Variants in MCC observed in about 807,000 individuals in gnomAD.
The protein encoded by MCC is MCC regulator of Wnt signaling pathway, also known as colorectal mutant cancer protein.
A neutral mutation model predicts 116.2 loss-of-function variants in MCC; 90 were observed. The observed-to-expected ratio is 0.77, with a 90% CI of 0.65 to 0.92. The LOEUF (loss-of-function observed/expected upper bound fraction) is 0.92, where lower values mean the gene tolerates loss of function less well. MCC is among the 40% of genes least tolerant of loss of function. The pLI is 0.00. For synonymous variants in MCC, 578 were observed against 510.5 expected (o/e 1.13, Z -1.78); for missense variants, 1,516 against 1,312.2 (o/e 1.16, Z -2.40).
intron 1 of MCC, among the ~76,000 whole-genome samples, chr5:113,480,961 G>C (rs998454624): frequency 6.6e-6 from 1 of 151,946 alleles, no homozygotes; most frequent in Non-Finnish European, 1.5e-5. Context: ...TTTTTTTGTA[G>C]AGACAGGGTT....
chr5:113,375,689 G>A (rs1768964595), intron 2 of MCC, among the ~76,000 whole-genome samples: 1 of 152,104 alleles, frequency 6.6e-6, no homozygotes. Context: ...CTCCCTGTGT[G>A]GTCTTTCAAC....
At chr5:113,306,269 C>G (rs1441390372) in intron 3 of MCC, among the ~76,000 whole-genome samples, 1 of 152,080 alleles carries the variant, frequency 6.6e-6, no homozygotes, top group Non-Finnish European at 1.5e-5. Context: ...CGGGTATATA[C>G]CTAAGAATGG....
chr5:113,065,218 G>A (rs1294286731), intron 13 of MCC, among the ~76,000 whole-genome samples: 1 of 152,122 alleles, frequency 6.6e-6, no homozygotes, highest in Non-Finnish European at 1.5e-5. Context: ...TGTCACTGTA[G>A]GTTCATCACT....
intron 3 of MCC, among the ~76,000 whole-genome samples, chr5:113,241,807 C>T (rs1455271289): frequency 6.6e-6 from 1 of 152,212 alleles, no homozygotes; most frequent in Non-Finnish European, 1.5e-5. Context: ...GCCAACATCT[C>T]CAAAGTAGAC....
At chr5:113,397,372 A>T (rs1048498249) in intron 1 of MCC, among the ~76,000 whole-genome samples, 1 of 152,222 alleles carries the variant, frequency 6.6e-6, no homozygotes, top group African/African-American at 2.4e-5. Context: ...ATTCTGCTAG[A>T]AATGATGAAA....
intron 3 of MCC, among the ~76,000 whole-genome samples, chr5:113,297,660 C>T (rs563873916): frequency 1.4e-4 from 20 of 145,842 alleles, no homozygotes; most frequent in African/African-American, 3.6e-4. Context: ...GGCTGAGGCA[C>T]GAGAACCACT....
rs1436376555 is a variant in MCC at position 113,026,857 on chromosome 5, GTC to G, written c.*443_*444del. On this transcript the variant is annotated 3_prime_UTR_variant, in exon 19 of 19. Transcript: ENST00000408903. ...TTTTAAATGCTGGAGGCACACACAG[GTC>G]TGTTTTCCCATGAAGCAGGAGGAAA... is the stretch of plus-strand genomic sequence containing the variant. 1 of 157,344 alleles carries G rather than the reference GTC, an allele frequency of 6.4e-6. No homozygotes were observed. Among genetic ancestry groups the G allele is most frequent in the Non-Finnish European group, 1.4e-5 (1 of 71,642 alleles). The allele number at this position is 157,344 out of a possible 1,614,324, so 9.7% of individuals were successfully genotyped here. A position where few individuals can be genotyped will look rare whatever the true frequency, so the allele number is the denominator to read the frequency against.
At chr5:113,285,606 G>A (rs1166854552) in intron 3 of MCC, among the ~76,000 whole-genome samples, 3 of 152,008 alleles carry the variant, frequency 2.0e-5, no homozygotes, top group African/African-American at 7.2e-5. Flanking sequence ...CTTCCTTTCT[G>A]CCTGAAATGA....
chr5:113,196,176 G>A (rs923007491), intron 3 of MCC, among the ~76,000 whole-genome samples: 16 of 152,234 alleles, frequency 1.1e-4, no homozygotes, highest in Admixed American at 6.5e-4. Flanking sequence ...TAAGTAATGG[G>A]AAATATCTTC....
chr5:113,213,502 C>T (rs1763203576), intron 3 of MCC, among the ~76,000 whole-genome samples: 1 of 152,134 alleles, frequency 6.6e-6, no homozygotes, highest in African/African-American at 2.4e-5. Flanking sequence ...CAAGCAGTGT[C>T]CTAATAAAAA....
chr5:113,071,350 T>C (rs1051862768), intron 11 of MCC, 116 bp from the exon 12 acceptor site: 31 of 1,020,704 alleles, frequency 3.0e-5, no homozygotes, highest in Non-Finnish European at 4.5e-5. Context: ...CCTGTCAGAT[T>C]AGTAGCTGAC....
chr5:113,464,630 C>T (rs890107771), intron 1 of MCC, among the ~76,000 whole-genome samples: 1 of 152,126 alleles, frequency 6.6e-6, no homozygotes, highest in South Asian at 2.1e-4. Flanking sequence ...ATTTATCTCA[C>T]CTCCTGTCCC....
chr5:113,054,720 G>C (rs892023354), intron 14 of MCC, among the ~76,000 whole-genome samples: 3 of 152,130 alleles, frequency 2.0e-5, no homozygotes, highest in African/African-American at 4.8e-5. Context: ...ATAGGGACTC[G>C]GGCTGGCCCA....
At chr5:113,200,112 A>T (rs1762609614) in intron 3 of MCC, among the ~76,000 whole-genome samples, 1 of 152,172 alleles carries the variant, frequency 6.6e-6, no homozygotes, top group African/African-American at 2.4e-5. Flanking sequence ...TGGAATTTGG[A>T]AAGTGGAGGA....
intron 3 of MCC, among the ~76,000 whole-genome samples, chr5:113,191,709 C>A (rs1396319004): frequency 1.3e-5 from 2 of 152,174 alleles, no homozygotes; most frequent in African/African-American, 4.8e-5. Flanking sequence ...CAGGATGCAA[C>A]AGTTTCTTTT....
intron 3 of MCC, among the ~76,000 whole-genome samples, chr5:113,290,601 G>C (rs753376821): frequency 6.6e-6 from 1 of 152,168 alleles, no homozygotes; most frequent in Non-Finnish European, 1.5e-5. Context: ...CTTCCTTCCA[G>C]ATACCTGGGA....
intron 3 of MCC, among the ~76,000 whole-genome samples, chr5:113,329,381 TATACAC>T (rs1479652175): frequency 9.5e-6 from 1 of 104,762 alleles, no homozygotes; most frequent in Non-Finnish European, 1.9e-5. Context: ...AAACTATATA[TATACAC>T]ACACACACAC....
intron 3 of MCC, among the ~76,000 whole-genome samples, chr5:113,268,601 C>T (rs1765500156): frequency 6.6e-6 from 1 of 152,162 alleles, no homozygotes; most frequent in Non-Finnish European, 1.5e-5. Context: ...ATCCACTAGG[C>T]CTAGGATACT....
At chr5:113,361,484 T>C (rs1490155382) in intron 2 of MCC, among the ~76,000 whole-genome samples, 2 of 152,224 alleles carry the variant, frequency 1.3e-5, no homozygotes, top group Non-Finnish European at 2.9e-5. Flanking sequence ...TCAATTGATA[T>C]TTACATAATC....
Sources: allele counts gnomAD v4.1 joint callset (sites outside exome capture counted in the v4.1 genomes callset), GRCh38; gene constraint gnomAD v4.1.1; transcripts MANE v1.5; gene names NCBI Gene and HGNC (gene_info 2026-07-23, HGNC 2026-07-21).